The following MEX3C variants were observed in gnomAD, a reference collection of about 807,000 sequenced individuals.
MEX3C encodes mex-3 RNA binding family member C, also known as RNA-binding E3 ubiquitin-protein ligase MEX3C.
Under a neutral mutation model 35.5 loss-of-function variants are expected in MEX3C, and 15 were observed. The observed-to-expected ratio is 0.42, with a 90% confidence interval of 0.28 to 0.65. The LOEUF is 0.65. Ranked by LOEUF, MEX3C falls within the 30% of genes least tolerant of loss-of-function variation. The pLI is 0.20. For missense variants in MEX3C, 711 were observed against 842.8 expected (o/e 0.84, Z 1.94); for synonymous variants, 390 against 352.8 (o/e 1.11, Z -1.18).
chr18:51,196,543 G>A (rs1474396234), intron 1 of MEX3C, 24 bp downstream of exon 1: 3 of 1,552,778 alleles, frequency 1.9e-6, no homozygotes, highest in Non-Finnish European at 2.6e-6. Context: ...ATGCCCAGCT[G>A]GACCTCCCCA....
Position 51,177,131 on chromosome 18 carries a change from C to T in MEX3C, c.1200G>A (p.Glu400=), listed in dbSNP as rs1385012895. The change falls in exon 2 of 2, where the codon GAG becomes GAA. Residue 400 remains glutamate, a synonymous_variant. Coordinates refer to ENST00000406189, the MANE Select transcript of MEX3C (RefSeq NM_016626.5). This position sits in a 1 kb window ranked among gnomAD's most constrained non-coding sequence, Gnocchi z 4.2. ...HIAMRTGNYI[E]LNEENDFHYN... Reference sequence around the variant, plus strand: ...AATGGAAATCATTCTCTTCATTGAGCTCTATATAGTTTCCTGTACGCATGG... The same window carrying T: ...AATGGAAATCATTCTCTTCATTGAGTTCTATATAGTTTCCTGTACGCATGG... 5.6e-6 allele frequency: 9 copies of T among 1,613,938 alleles called. No individual in the cohort carries two copies. Among genetic ancestry groups the T allele is most frequent in the Non-Finnish European group, 7.6e-6 (9 of 1,179,884 alleles).
At chr18:51,185,126 A>C (rs977876453) in intron 1 of MEX3C, among the ~76,000 whole-genome samples, 5 of 152,210 alleles carry the variant, frequency 3.3e-5, no homozygotes, top group Non-Finnish European at 7.3e-5. Context: ...AACAGGGCTA[A>C]AATCAAGGTG....
chr18:51,180,067 T>G (rs1359409752), intron 1 of MEX3C, among the ~76,000 whole-genome samples: 1 of 151,684 alleles, frequency 6.6e-6, no homozygotes, highest in South Asian at 2.1e-4. Context: ...CTTACTAATA[T>G]TGACCATTAG....
At chr18:51,184,684 C>T (rs1912498501) in intron 1 of MEX3C, among the ~76,000 whole-genome samples, 2 of 151,866 alleles carry the variant, frequency 1.3e-5, no homozygotes, top group African/African-American at 4.8e-5. Flanking sequence ...TGGCAAAACC[C>T]CATCTCTACA....
rs376890176 is a variant in MEX3C, at chr18:51,182,246, G to A, written c.755-4670C>T. ...GTATATATAGGGTTTGGTACTCTGCGGTTTCAAGCATCCACTTAAGGTCTT... is the reference window on the plus strand; with the variant it reads ...GTATATATAGGGTTTGGTACTCTGCAGTTTCAAGCATCCACTTAAGGTCTT... On this transcript the variant is annotated intron_variant, in intron 1 of 1. Coordinates refer to ENST00000406189, the MANE Select transcript of MEX3C (RefSeq NM_016626.5). Among the ~76,000 whole-genome samples, 7 of 152,236 alleles carry A rather than the reference G, an allele frequency of 4.6e-5. No homozygotes were observed. The East Asian group carries it at 5.8e-4, about 13-fold the overall frequency.
intron 1 of MEX3C, among the ~76,000 whole-genome samples, chr18:51,181,214 A>G (rs935746744): frequency 1.7e-4 from 26 of 152,194 alleles, no homozygotes; most frequent in African/African-American, 5.8e-4. Flanking sequence ...AAGTTGCTAC[A>G]TGGCACAAGT....
intron 1 of MEX3C, among the ~76,000 whole-genome samples, chr18:51,181,722 G>A (rs1912436193): frequency 1.3e-5 from 2 of 152,148 alleles, no homozygotes; most frequent in South Asian, 4.1e-4. Flanking sequence ...GCTATATAAT[G>A]GAATGCTATA....
Position 51,197,250 on chromosome 18 carries a change from G to A in MEX3C, c.71C>T (p.Pro24Leu). Reference protein sequence around the residue: ...APAPLPQPPPPPPPPPPPLPP... With the variant: ...APAPLPQPPPLPPPPPPPLPP... ...CAGAGGCGGCGGTGGCGGCGGCGGC[G>A]GCGGGGGCGGCTGCGGCAGGGGGGC... Residue 24 changes from proline to leucine, a missense_variant, in exon 1 of 2, where the codon CCG (proline) becomes CTG (leucine). Pro to Leu is a moderately conservative substitution (Grantham distance 98). Around this residue, in one of 4 missense-constraint regions of MEX3C, gnomAD observed 354 missense variants for 311.6 expected, o/e 1.14. Transcript: ENST00000406189. 1.0e-6 allele frequency: 1 copy of A among 963,882 alleles called. No homozygotes were observed. 59.7% of individuals were successfully genotyped at this position (963,882 alleles called of 1,614,324 possible).
intron 1 of MEX3C, among the ~76,000 whole-genome samples, chr18:51,178,040 G>C (rs1912341606): frequency 6.6e-6 from 1 of 152,052 alleles, no homozygotes; most frequent in Non-Finnish European, 1.5e-5. Flanking sequence ...GCATAAACTA[G>C]TGAAACATGA....
rs1599260455 is a variant in MEX3C, at chr18:51,197,144, G to A, written c.177C>T (p.Asp59=). 1 of 1,074,128 alleles carries A rather than the reference G, an allele frequency of 9.3e-7. No individual in the cohort carries two copies. The allele number at this position is 1,074,128 out of a possible 1,614,324, so 66.5% of individuals were successfully genotyped here. The change falls in exon 1 of 2, where the codon GAC becomes GAT. Residue 59 remains aspartate (D), a synonymous_variant. Transcript: ENST00000406189. The part of the protein sequence containing the change: ...RERLAALGLD[D]PSPAEPGAPA... ...GGGCGCCGGGCTCCGCCGGGCTGGG[G>A]TCGTCGAGGCCTAGCGCGGCCAAGC...
At chr18:51,195,279 C>T (rs760997418) in intron 1 of MEX3C, 3 of 152,140 alleles carry the variant, frequency 2.0e-5, no homozygotes, top group Admixed American at 6.5e-5. Context: ...ACCAGAAGAA[C>T]GACAAGCATA....
intron 1 of MEX3C, among the ~76,000 whole-genome samples, chr18:51,179,691 G>C (rs551870512): frequency 5.3e-5 from 8 of 152,346 alleles, no homozygotes; most frequent in African/African-American, 1.9e-4. Context: ...TAGAAGAACA[G>C]AGAGTACAAT....
chr18:51,193,724 T>C (rs955964286), intron 1 of MEX3C: 1 of 152,332 alleles, frequency 6.6e-6, no homozygotes, highest in East Asian at 1.9e-4. Flanking sequence ...CATTTACAAA[T>C]GACCATATGC....
rs774801532 is a variant in MEX3C at position 51,177,013 on chromosome 18, A to G, written c.1318T>C (p.Ser440Pro). 2 of 1,613,988 alleles carry G rather than the reference A, an allele frequency of 1.2e-6. No homozygotes were observed. The highest frequency in any genetic ancestry group is 1.1e-5 in the South Asian group (1 of 91,082). ...CTGGAACTATCATTTCGATAATTGGATATCATTCTTGCGCGGCTAGGAGGA... is the reference window on the plus strand; with the variant it reads ...CTGGAACTATCATTTCGATAATTGGGTATCATTCTTGCGCGGCTAGGAGGA... ...PVPPSRARMI[S>P]NYRNDSSSSL... The change falls in exon 2 of 2, where the codon TCC (serine) becomes CCC (proline). Residue 440 changes from serine to proline, a missense_variant. Coordinates refer to ENST00000406189, the MANE Select transcript of MEX3C (RefSeq NM_016626.5). This position sits in a 1 kb window ranked among gnomAD's most constrained non-coding sequence, Gnocchi z 4.2.
chr18:51,188,597 CA>C (rs34117820), intron 1 of MEX3C, among the ~76,000 whole-genome samples: 131,432 of 135,978 alleles, frequency 0.97, 63,539 homozygotes, highest in Non-Finnish European at 0.99. Context: ...GACCCTGTCT[CA>C]AAAAAAAAAA....
In MEX3C at chr18:51,177,153, A is replaced by G. The variant is rs772056081; in HGVS notation, c.1178T>C (p.Met393Thr). ...AREEIEMHIA[M>T]RTGNYIELNE... ...GAGCTCTATATAGTTTCCTGTACGC[A>G]TGGCAATATGCATTTCTATTTCTTC... Residue 393 changes from methionine (M) to threonine (T), a missense_variant, in exon 2 of 2, where the codon ATG becomes ACG. By Grantham distance (81) the Met-to-Thr change is moderately conservative. Transcript: ENST00000406189. The surrounding 1 kb of genome is among the most constrained non-coding windows in gnomAD (Gnocchi z 4.2). 11 of 1,613,870 alleles carry G rather than the reference A, an allele frequency of 6.8e-6. No homozygotes were observed. The South Asian group carries it at 1.1e-4, about 16-fold the overall frequency.
chr18:51,186,639 T>C (rs967185370), intron 1 of MEX3C, among the ~76,000 whole-genome samples: 4 of 152,048 alleles, frequency 2.6e-5, no homozygotes, highest in African/African-American at 9.7e-5. Flanking sequence ...TTAAGACTAG[T>C]GGGTGCATAA....
In MEX3C at chr18:51,193,502, T is replaced by C. The variant is rs1240803180; in HGVS notation, c.754+3065A>G. ...GACTAAAATTAGACCTGTTAATCAC[T>C]GTTAATATGTCTTGCAGGTACTATA... On this transcript the variant is annotated intron_variant, in intron 1 of 1. Coordinates refer to ENST00000406189, the MANE Select transcript of MEX3C (RefSeq NM_016626.5). The C allele has an allele frequency of 2.0e-5, 3 of 152,220 alleles. 1 individual carries two copies. The highest frequency in any genetic ancestry group is 6.5e-5 in the Admixed American group (1 of 15,284). The allele number at this position is 152,220 out of a possible 1,614,324, so 9.4% of individuals were successfully genotyped here. A position where few individuals can be genotyped will look rare whatever the true frequency, so the allele number is the denominator to read the frequency against.
chr18:51,186,601 T>C (rs1013571896), intron 1 of MEX3C, among the ~76,000 whole-genome samples: 1 of 152,044 alleles, frequency 6.6e-6, no homozygotes, highest in South Asian at 2.1e-4. Context: ...AAACTGGAGA[T>C]AGACAGTAAC....
Sources: allele counts gnomAD v4.1 joint callset (sites outside exome capture counted in the v4.1 genomes callset), GRCh38; gene constraint gnomAD v4.1.1; regional missense constraint gnomAD v4.1.1; non-coding constraint Gnocchi (gnomAD v3.1); transcripts MANE v1.5; gene names NCBI Gene and HGNC (gene_info 2026-07-23, HGNC 2026-07-21).